RBFOX1: variants seen among roughly 807,000 people sequenced by gnomAD.
The protein encoded by RBFOX1 is RNA binding protein fox-1 homolog 1.
Under a neutral mutation model 57.7 loss-of-function variants are expected in RBFOX1, and 8 were observed. That is an observed-to-expected ratio of 0.14 (90% confidence interval 0.08 to 0.25). The LOEUF (loss-of-function observed/expected upper bound fraction) is 0.25, where lower values mean the gene tolerates loss of function less well. Ranked by LOEUF, RBFOX1 falls within the 10% of genes least tolerant of loss-of-function variation. The pLI, the probability that RBFOX1 is intolerant of heterozygous loss-of-function variation, is 1.00. For synonymous variants in RBFOX1, 326 were observed against 222.4 expected, an observed-to-expected ratio of 1.47 and a Z score of -4.15; for missense variants, 611 against 548.5, an observed-to-expected ratio of 1.11 and a Z score of -1.14.
intron 3 of RBFOX1, among the ~76,000 whole-genome samples, chr16:6,993,374 C>T (rs1292895688): frequency 1.3e-5 from 2 of 152,120 alleles, no homozygotes; most frequent in Admixed American, 6.5e-5. Flanking sequence ...CATTTAGCTC[C>T]TTTCGGTAAT....
intron 4 of RBFOX1, among the ~76,000 whole-genome samples, chr16:5,925,452 GA>G (rs2058920905): frequency 6.6e-6 from 1 of 152,138 alleles, no homozygotes; most frequent in Non-Finnish European, 1.5e-5. Flanking sequence ...TCCAGAACAG[GA>G]AAACCCATGG....
intron 3 of RBFOX1, among the ~76,000 whole-genome samples, chr16:6,982,679 T>C (rs1464657995): frequency 6.6e-6 from 1 of 152,166 alleles, no homozygotes; most frequent in African/African-American, 2.4e-5. Flanking sequence ...GAGGTAGATT[T>C]ACTGTTATCT....
chr16:5,268,631 G>A (rs564758431), intron 1 of RBFOX1, among the ~76,000 whole-genome samples: 1 of 152,326 alleles, frequency 6.6e-6, no homozygotes, highest in Non-Finnish European at 1.5e-5. Flanking sequence ...TGCACTGGGA[G>A]CCATGTGCAC....
chr16:6,143,267 C>T (rs186055775), intron 1 of RBFOX1, among the ~76,000 whole-genome samples: 13 of 152,302 alleles, frequency 8.5e-5, no homozygotes, highest in Admixed American at 5.9e-4. Flanking sequence ...GAGTTGAGAG[C>T]TGAGTTTTCT....
At chr16:5,734,897 C>T (rs560857667) in intron 3 of RBFOX1, among the ~76,000 whole-genome samples, 1 of 152,244 alleles carries the variant, frequency 6.6e-6, no homozygotes, top group East Asian at 1.9e-4. Context: ...GAGTAAGTGA[C>T]TGTGATGATT....
intron 11 of RBFOX1, among the ~76,000 whole-genome samples, chr16:7,636,833 GAC>G (rs1264882509): frequency 7.6e-6 from 1 of 131,748 alleles, no homozygotes; most frequent in Non-Finnish European, 1.7e-5. Context: ...GAGAGACAGA[GAC>G]AGAGAGAAAC....
rs2091538445 is a variant in RBFOX1 at position 7,213,612 on chromosome 16, C to T, written c.27+161514C>T. Among the ~76,000 whole-genome samples, 4 of 151,888 alleles carry T rather than the reference C, an allele frequency of 2.6e-5. No individual in the cohort carries two copies. In the South Asian group the frequency reaches 6.3e-4, roughly 24 times the overall value. The stretch of plus-strand genomic sequence containing the variant: ...TCATTCCCTTGGAGTATGATGGGAG[C>T]TTACCGTGTGCCTGGAACTGAAGTG... On this transcript the variant is annotated intron_variant, in intron 4 of 15. Transcript: ENST00000550418.
At chr16:5,866,223 C>A (rs1447817337) in intron 3 of RBFOX1, among the ~76,000 whole-genome samples, 2 of 152,178 alleles carry the variant, frequency 1.3e-5, no homozygotes, top group African/African-American at 4.8e-5. Flanking sequence ...CCTATCTCGG[C>A]CTCCCAAAGT....
intron 3 of RBFOX1, among the ~76,000 whole-genome samples, chr16:5,731,818 G>T (rs8058629): frequency 6.6e-6 from 1 of 152,010 alleles, no homozygotes; most frequent in Non-Finnish European, 1.5e-5. Context: ...TTTTCCAGTG[G>T]TTTCTAATAT....
chr16:6,779,829 T>TTATATATA, intron 3 of RBFOX1, among the ~76,000 whole-genome samples: 1 of 3,902 alleles, frequency 2.6e-4, no homozygotes, highest in African/African-American at 9.3e-4. Flanking sequence ...TTATATATAT[T>TTATATATA]TTTATATATT....
At chr16:7,141,942 T>A (rs116901080) in intron 4 of RBFOX1, among the ~76,000 whole-genome samples, 1,914 of 152,280 alleles carry the variant, frequency 0.013, 23 homozygotes, top group Non-Finnish European at 0.023. Context: ...TTAAGATGTT[T>A]CAGCGGGATC....
rs542810803 is a variant in RBFOX1 at position 5,645,425 on chromosome 16, A to T, written c.318+46464A>T. On this transcript the variant is annotated intron_variant, in intron 3 of 19. Coordinates refer to the RBFOX1 transcript ENST00000641259. The stretch of plus-strand genomic sequence containing the variant: ...CGAGAGGTTTAGGAGAGCTGGGATG[A>T]GGTTTCTTTTAAGAGTGATAATGTT... 3.4e-3 allele frequency among the ~76,000 whole-genome samples: 513 copies of T among 152,242 alleles called. 2 individuals are homozygous for T. Among genetic ancestry groups the T allele is most frequent in the African/African-American group, 0.012 (491 of 41,542 alleles).
intron 3 of RBFOX1, among the ~76,000 whole-genome samples, chr16:5,688,018 T>C (rs1052730401): frequency 3.3e-5 from 5 of 152,330 alleles, no homozygotes; most frequent in Admixed American, 2.6e-4. Context: ...GTAAAAAATA[T>C]ACTTTCAGAA....
intron 1 of RBFOX1, among the ~76,000 whole-genome samples, chr16:6,071,171 A>C (rs1349671203): frequency 2.0e-5 from 3 of 152,184 alleles, no homozygotes; most frequent in African/African-American, 4.8e-5. Context: ...AAAATACAAA[A>C]ATTAGCGGGA....
intron 1 of RBFOX1, among the ~76,000 whole-genome samples, chr16:6,117,680 C>G (rs2096511346): frequency 6.6e-6 from 1 of 152,240 alleles, no homozygotes; most frequent in African/African-American, 2.4e-5. Flanking sequence ...CTTGAACTTC[C>G]CAGCCTCCAG....
intron 4 of RBFOX1, among the ~76,000 whole-genome samples, chr16:7,063,222 G>T (rs7201131): frequency 1.3e-5 from 2 of 151,756 alleles, no homozygotes; most frequent in Non-Finnish European, 2.9e-5. Flanking sequence ...ATCAAGAGCA[G>T]GTAGGCACAG....
At chr16:5,483,914 T>C in intron 2 of RBFOX1, among the ~76,000 whole-genome samples, 1 of 150,172 alleles carries the variant, frequency 6.7e-6, no homozygotes, top group East Asian at 1.9e-4. Flanking sequence ...CTCATGCTTG[T>C]GATCCCAGCA....
At chr16:7,408,125 A>T (rs2098378264) in intron 4 of RBFOX1, among the ~76,000 whole-genome samples, 1 of 152,194 alleles carries the variant, frequency 6.6e-6, no homozygotes, top group Non-Finnish European at 1.5e-5. Flanking sequence ...CTCTCACAAC[A>T]TGGGGGTCAG....
chr16:6,546,930 C>T (rs973980689), intron 2 of RBFOX1, among the ~76,000 whole-genome samples: 2 of 152,188 alleles, frequency 1.3e-5, no homozygotes, highest in Non-Finnish European at 2.9e-5. Flanking sequence ...ACCCTTAAAT[C>T]AAAGTGTGGT....
Sources: gnomAD v4.1 joint callset for allele counts (sites outside exome capture counted in the v4.1 genomes callset) on GRCh38, gnomAD v4.1.1 for gene constraint, MANE v1.5 for transcripts, NCBI Gene and HGNC (gene_info 2026-07-23, HGNC 2026-07-21) for gene names.